Variants in JAKMIP1 observed in about 807,000 individuals in gnomAD.
JAKMIP1 encodes janus kinase and microtubule-interacting protein 1.
JAKMIP1 carries 33 observed loss-of-function variants against 113.0 expected under a neutral mutation model. The ratio of observed to expected loss-of-function variants is 0.29; its 90% CI spans 0.22 to 0.39. JAKMIP1 has a LOEUF of 0.39. Ranked by LOEUF, JAKMIP1 falls within the 10% of genes least tolerant of loss-of-function variation. JAKMIP1 has a pLI of 1.00. For synonymous variants in JAKMIP1, 480 were observed against 459.9 expected (o/e 1.04, Z -0.56); for missense variants, 813 against 1,080.5 (o/e 0.75, Z 3.47).
At position 6,179,975 on chromosome 4, in the gene JAKMIP1, A is replaced by G. The variant is rs1305152799; in HGVS notation, c.-148+20278T>C. Among the ~76,000 whole-genome samples, 1 of 152,198 alleles carries G rather than the reference A, an allele frequency of 6.6e-6. No homozygotes were observed. Among genetic ancestry groups the G allele is most frequent in the Non-Finnish European group, 1.5e-5 (1 of 68,034 alleles). ...AAGAACTGTGTCTGTTTTGTTTTCTATCCCTAGGACCAGCAGCATGCCTGA... is the reference window on the plus strand; with the variant it reads ...AAGAACTGTGTCTGTTTTGTTTTCTGTCCCTAGGACCAGCAGCATGCCTGA... On this transcript the variant is annotated intron_variant, in intron 1 of 20. Transcript: ENST00000409021. The surrounding 1 kb of genome is among the most constrained non-coding windows in gnomAD (Gnocchi z 4.5).
chr4:6,034,071 C>A (rs77561685), intron 19 of JAKMIP1, among the ~76,000 whole-genome samples: 1 of 121,754 alleles, frequency 8.2e-6, no homozygotes, highest in Non-Finnish European at 1.7e-5. Flanking sequence ...TAGCCAAACA[C>A]CTGTTTTCAA....
At position 6,042,499 on chromosome 4, in the gene JAKMIP1, C is replaced by T. The variant is rs542785693; in HGVS notation, c.2029-272G>A. On this transcript the variant is annotated intron_variant, in intron 16 of 20. Transcript: ENST00000409021. The surrounding 1 kb of genome is among the most constrained non-coding windows in gnomAD (Gnocchi z 5.2). The stretch of plus-strand genomic sequence containing the variant: ...GAGCCTGGATGGACCCGAGTGTGGG[C>T]GGCTGCGAGTGTGTGCAGCAGAGGA... Among the ~76,000 whole-genome samples the T allele has an allele frequency of 1.1e-4, 16 of 152,022 alleles. No homozygotes were observed. Among genetic ancestry groups the T allele is most frequent in the East Asian group, 1.9e-4 (1 of 5,154 alleles).
rs1423320371 is a variant in JAKMIP1 at position 6,093,315 on chromosome 4, G to T, written c.625-7686C>A. The stretch of plus-strand genomic sequence containing the variant: ...TCCAGTTAACTGTAAGCGCTTTGCT[G>T]CCTGGAATCGTGTCTTATTTTTCTC... On this transcript the variant is annotated intron_variant, in intron 3 of 20. Coordinates refer to ENST00000409021, the MANE Select transcript of JAKMIP1 (RefSeq NM_001099433.2). This position sits in a 1 kb window ranked among gnomAD's most constrained non-coding sequence, Gnocchi z 4.6. Among the ~76,000 whole-genome samples the T allele has an allele frequency of 6.6e-6, 1 of 152,190 alleles. No individual in the cohort carries two copies. Among genetic ancestry groups the T allele is most frequent in the Non-Finnish European group, 1.5e-5 (1 of 68,030 alleles).
intron 1 of JAKMIP1, among the ~76,000 whole-genome samples, chr4:6,152,789 A>AAT (rs35192547): frequency 0.045 from 6,077 of 135,180 alleles, 183 homozygotes; most frequent in African/African-American, 0.062. Flanking sequence ...TAAAAATACA[A>AAT]ATATATATAT....
At position 6,157,753 on chromosome 4, in the gene JAKMIP1, A is replaced by C. The variant is rs1178508027; in HGVS notation, c.-148+42500T>G. Among the ~76,000 whole-genome samples, 5 of 152,330 alleles carry C rather than the reference A, an allele frequency of 3.3e-5. No homozygotes were observed. The highest frequency in any genetic ancestry group is 7.3e-5 in the Non-Finnish European group (5 of 68,030). Reference sequence around the variant, plus strand: ...GAGCAGGTTAGATATGCCTCTCCGTAAACACCAGCCATGAAGCAGCACACC... The same window carrying C: ...GAGCAGGTTAGATATGCCTCTCCGTCAACACCAGCCATGAAGCAGCACACC... On this transcript the variant is annotated intron_variant, in intron 1 of 20. Transcript: ENST00000409021. This position sits in a 1 kb window ranked among gnomAD's most constrained non-coding sequence, Gnocchi z 4.7.
At position 6,105,696 on chromosome 4, in the gene JAKMIP1, G is replaced by C; in HGVS notation, c.401C>G (p.Thr134Ser). ...CCTGCGCGCCTCCTCGCGCGCCTCG[G>C]TCAGCAGCGCCGTCTTGACCTTGTC... ...AADKVKTALL[T>S]EAREEARRAF... The change falls in exon 3 of 21, where the codon ACC becomes AGC. Residue 134 changes from threonine to serine, a missense_variant. By Grantham distance (58) the Thr-to-Ser change is moderately conservative. Coordinates refer to ENST00000409021, the MANE Select transcript of JAKMIP1 (RefSeq NM_001099433.2). 2 of 1,603,608 alleles carry C rather than the reference G, an allele frequency of 1.2e-6. No homozygotes were observed. Among genetic ancestry groups the C allele is most frequent in the African/African-American group, 2.7e-5 (2 of 74,976 alleles).
intron 1 of JAKMIP1, among the ~76,000 whole-genome samples, chr4:6,132,422 A>T (rs976350013): frequency 6.6e-6 from 1 of 152,176 alleles, no homozygotes; most frequent in East Asian, 1.9e-4. Flanking sequence ...CGGGCAGATC[A>T]CTTGAGGTCA....
At chr4:6,125,265 C>T (rs1282292018) in intron 1 of JAKMIP1, among the ~76,000 whole-genome samples, 1 of 152,056 alleles carries the variant, frequency 6.6e-6, no homozygotes, top group East Asian at 1.9e-4. Context: ...ACTGCAGCAG[C>T]GGGAGCACCC....
intron 1 of JAKMIP1, among the ~76,000 whole-genome samples, chr4:6,122,226 C>T (rs1406963132): frequency 2.0e-5 from 3 of 151,992 alleles, no homozygotes; most frequent in Non-Finnish European, 2.9e-5. Context: ...TTCAGAAGGC[C>T]GAGGCAGGAG....
rs766443813 is a variant in JAKMIP1 at position 6,142,731 on chromosome 4, C to G, written c.-147-29734G>C. On this transcript the variant is annotated intron_variant, in intron 1 of 20. Coordinates refer to ENST00000409021, the MANE Select transcript of JAKMIP1 (RefSeq NM_001099433.2). The surrounding 1 kb of genome is among the most constrained non-coding windows in gnomAD (Gnocchi z 5.5). ...TGGCAATGGATGGGGTGCTCTGGCC[C>G]CGGGGCCTGGCCGCAGGCAGAGATC... Among the ~76,000 whole-genome samples, 2 of 152,146 alleles carry G rather than the reference C, an allele frequency of 1.3e-5. No individual in the cohort carries two copies. The highest frequency in any genetic ancestry group is 4.8e-5 in the African/African-American group (2 of 41,426).
chr4:6,098,195 C>A (rs1006010753), intron 3 of JAKMIP1, among the ~76,000 whole-genome samples: 2 of 152,204 alleles, frequency 1.3e-5, no homozygotes, highest in African/African-American at 4.8e-5. Flanking sequence ...CTTCGGGATG[C>A]CAAGACAGGT....
Position 6,200,293 on chromosome 4 carries a change from C to G in JAKMIP1, c.-188G>C, listed in dbSNP as rs1162024228. The G allele has an allele frequency of 6.5e-6, 1 of 152,944 alleles. No individual in the cohort carries two copies. Among genetic ancestry groups the G allele is most frequent in the Non-Finnish European group, 1.5e-5 (1 of 68,182 alleles). The allele number at this position is 152,944 out of a possible 1,614,324, so 9.5% of individuals were successfully genotyped here. A position where few individuals can be genotyped will look rare whatever the true frequency, so the allele number is the denominator to read the frequency against. On this transcript the variant is annotated 5_prime_UTR_variant, in exon 1 of 21. Coordinates refer to ENST00000409021, the MANE Select transcript of JAKMIP1 (RefSeq NM_001099433.2). This position sits in a 1 kb window ranked among gnomAD's most constrained non-coding sequence, Gnocchi z 7.0. The stretch of plus-strand genomic sequence containing the variant: ...GCCCGAGCCGGGCAGCAGCAGCGGA[C>G]GTAGCGAGCGCAGCCCCGCGCCGCA...
rs1274494704 is a variant in JAKMIP1, at chr4:6,185,370, G to A, written c.-148+14883C>T. 1.3e-5 allele frequency among the ~76,000 whole-genome samples: 2 copies of A among 152,188 alleles called. No individual in the cohort carries two copies. The highest frequency in any genetic ancestry group is 2.4e-5 in the African/African-American group (1 of 41,450). On this transcript the variant is annotated intron_variant, in intron 1 of 20. Coordinates refer to ENST00000409021, the MANE Select transcript of JAKMIP1 (RefSeq NM_001099433.2). The surrounding 1 kb of genome is among the most constrained non-coding windows in gnomAD (Gnocchi z 5.3). The stretch of plus-strand genomic sequence containing the variant: ...CATTAAAAGCCAGACCCCAGGGGCC[G>A]GGCACGGTGGCTCACGCCTGTAATC...
chr4:6,034,763 T>C (rs1254274778), intron 19 of JAKMIP1, among the ~76,000 whole-genome samples: 1 of 152,178 alleles, frequency 6.6e-6, no homozygotes. Context: ...ATCGTCCCAC[T>C]ACACTCCAGC....
chr4:6,141,900 C>T lies in JAKMIP1; in HGVS notation c.-147-28903G>A, dbSNP rs1578366102. Reference sequence around the variant, plus strand: ...CGCTTACGCTTCCTAAGGGCGTTAACCGTCTCTCTCTCATTTTAAAAATCA... The same window carrying T: ...CGCTTACGCTTCCTAAGGGCGTTAATCGTCTCTCTCTCATTTTAAAAATCA... On this transcript the variant is annotated intron_variant, in intron 1 of 20. Transcript: ENST00000409021. This position sits in a 1 kb window ranked among gnomAD's most constrained non-coding sequence, Gnocchi z 9.4. 6.6e-6 allele frequency among the ~76,000 whole-genome samples: 1 copy of T among 152,166 alleles called. No individual in the cohort carries two copies. Among genetic ancestry groups the T allele is most frequent in the African/African-American group, 2.4e-5 (1 of 41,410 alleles).
rs1370310445 is a variant in JAKMIP1, at chr4:6,186,727, T to C, written c.-148+13526A>G. 1.3e-5 allele frequency among the ~76,000 whole-genome samples: 2 copies of C among 152,232 alleles called. No individual in the cohort carries two copies. Among genetic ancestry groups the C allele is most frequent in the Non-Finnish European group, 2.9e-5 (2 of 68,048 alleles). On this transcript the variant is annotated intron_variant, in intron 1 of 20. Coordinates refer to ENST00000409021, the MANE Select transcript of JAKMIP1 (RefSeq NM_001099433.2). The surrounding 1 kb of genome is among the most constrained non-coding windows in gnomAD (Gnocchi z 5.5). ...GTTGTTCAAGTTCCCTGCTTCCTTG[T>C]TGACCTCCTGTAGAGTTGTTCTATC...
Position 6,187,912 on chromosome 4 carries a change from T to C in JAKMIP1, c.-148+12341A>G, listed in dbSNP as rs575107646. Among the ~76,000 whole-genome samples, 2 of 152,236 alleles carry C rather than the reference T, an allele frequency of 1.3e-5. No individual in the cohort carries two copies. Among genetic ancestry groups the C allele is most frequent in the African/African-American group, 4.8e-5 (2 of 41,452 alleles). On this transcript the variant is annotated intron_variant, in intron 1 of 20. Transcript: ENST00000409021. This position sits in a 1 kb window ranked among gnomAD's most constrained non-coding sequence, Gnocchi z 4.2. Reference sequence around the variant, plus strand: ...TCAATATGCCTCACGTCATTTTTGCTCCTTTATTCTTCCATTACTGCCTTC... The same window carrying C: ...TCAATATGCCTCACGTCATTTTTGCCCCTTTATTCTTCCATTACTGCCTTC...
At chr4:6,189,566 A>G (rs1002209934) in intron 1 of JAKMIP1, among the ~76,000 whole-genome samples, 1 of 152,186 alleles carries the variant, frequency 6.6e-6, no homozygotes, top group Non-Finnish European at 1.5e-5. Flanking sequence ...TTAACCACCT[A>G]CTGTGCACAT....
In JAKMIP1 at chr4:6,199,471, C is replaced by G. The variant is rs1483660977; in HGVS notation, c.-148+782G>C. The stretch of plus-strand genomic sequence containing the variant: ...GCGCACTGACGCAGGCCAGCGAGGC[C>G]GCTGGCCCCGACGCAGGGCGCCCGG... On this transcript the variant is annotated intron_variant, in intron 1 of 20. Coordinates refer to ENST00000409021, the MANE Select transcript of JAKMIP1 (RefSeq NM_001099433.2). The surrounding 1 kb of genome is among the most constrained non-coding windows in gnomAD (Gnocchi z 5.6). Among the ~76,000 whole-genome samples, 1 of 152,160 alleles carries G rather than the reference C, an allele frequency of 6.6e-6. No homozygotes were observed.
Sources: gnomAD v4.1 joint callset for allele counts (sites outside exome capture counted in the v4.1 genomes callset) on GRCh38, gnomAD v4.1.1 for gene constraint, Gnocchi (gnomAD v3.1) non-coding constraint, MANE v1.5 for transcripts, NCBI Gene and HGNC (gene_info 2026-07-23, HGNC 2026-07-21) for gene names.